STXBP6: variants seen among roughly 807,000 people sequenced by gnomAD.
STXBP6 encodes syntaxin binding protein 6.
In STXBP6, 21 loss-of-function variants were observed where a neutral mutation model predicts 26.9. That is an observed-to-expected ratio of 0.78 (90% CI 0.55 to 1.12). The LOEUF (loss-of-function observed/expected upper bound fraction) is 1.12, where lower values mean the gene tolerates loss of function less well. Among genes scored for constraint, STXBP6 ranks in the 50% most tolerant of loss-of-function variants. The probability of loss-of-function intolerance (pLI) is 0.00; values close to 1 mark genes in which losing one functional copy is unlikely to be tolerated. For synonymous variants in STXBP6, 97 were observed against 92.6 expected (o/e 1.05, Z -0.27); for missense variants, 232 against 257.9 (o/e 0.90, Z 0.69).
chr14:24,931,710 A>G (rs540930960), intron 2 of STXBP6, among the ~76,000 whole-genome samples: 1 of 152,156 alleles, frequency 6.6e-6, no homozygotes, highest in Non-Finnish European at 1.5e-5. Flanking sequence ...GATAAGGGCA[A>G]TGAAATCCAA....
At chr14:24,899,803 A>AG (rs1438038815) in intron 2 of STXBP6, among the ~76,000 whole-genome samples, 3 of 80,118 alleles carry the variant, frequency 3.7e-5, no homozygotes, top group Non-Finnish European at 4.4e-5. Flanking sequence ...AAAAAAAGCA[A>AG]AAAAAAAAAA....
intron 2 of STXBP6, among the ~76,000 whole-genome samples, chr14:24,943,931 T>C (rs984468167): frequency 6.6e-6 from 1 of 152,254 alleles, no homozygotes; most frequent in Admixed American, 6.5e-5. Context: ...TTGAAATTCA[T>C]TGTTGCTTTT....
intron 1 of STXBP6, among the ~76,000 whole-genome samples, chr14:25,030,289 C>T (rs1371992949): frequency 6.6e-6 from 1 of 152,086 alleles, no homozygotes; most frequent in Non-Finnish European, 1.5e-5. Context: ...TACCCCATGC[C>T]CAATATGAGG....
At chr14:25,014,949 T>C (rs1385684235) in intron 1 of STXBP6, among the ~76,000 whole-genome samples, 1 of 152,256 alleles carries the variant, frequency 6.6e-6, no homozygotes, top group Non-Finnish European at 1.5e-5. Flanking sequence ...TTATTTTAAA[T>C]GTTGGAGAAT....
At chr14:24,933,875 ACT>A (rs2072508148) in intron 2 of STXBP6, among the ~76,000 whole-genome samples, 1 of 152,226 alleles carries the variant, frequency 6.6e-6, no homozygotes. Flanking sequence ...AAGAAAACTT[ACT>A]TCTATGTAAA....
rs1452994852 is a variant in STXBP6, at chr14:24,892,536, C to T, written c.155-35379G>A. The stretch of plus-strand genomic sequence containing the variant: ...AGCAATTCTGATTCTGGGCCAACCA[C>T]ACCCCTTGGTTTGAGTCTTTTTCTT... On this transcript the variant is annotated intron_variant, in intron 2 of 5. Coordinates refer to ENST00000323944, the MANE Select transcript of STXBP6 (RefSeq NM_001394410.1). 6.6e-5 allele frequency among the ~76,000 whole-genome samples: 10 copies of T among 152,280 alleles called. No homozygotes were observed. The South Asian group carries it at 2.1e-3, about 32-fold the overall frequency.
chr14:25,034,273 C>T (rs1242599581), intron 1 of STXBP6, among the ~76,000 whole-genome samples: 1 of 152,130 alleles, frequency 6.6e-6, no homozygotes, highest in Non-Finnish European at 1.5e-5. Flanking sequence ...AACCATATCC[C>T]TCTGTGGAGG....
At chr14:24,916,463 C>T (rs142543910) in intron 2 of STXBP6, among the ~76,000 whole-genome samples, 106 of 152,224 alleles carry the variant, frequency 7.0e-4, no homozygotes, top group African/African-American at 2.4e-3. Flanking sequence ...AGTAATTAGC[C>T]ATAGCAAAAT....
chr14:25,027,234 T>G (rs1398893683), intron 1 of STXBP6, among the ~76,000 whole-genome samples: 1 of 152,202 alleles, frequency 6.6e-6, no homozygotes, highest in Non-Finnish European at 1.5e-5. Context: ...GGCAGCCCAG[T>G]GTGAAGCAAG....
At chr14:24,889,962 T>G (rs2070733503) in intron 2 of STXBP6, among the ~76,000 whole-genome samples, 1 of 152,240 alleles carries the variant, frequency 6.6e-6, no homozygotes, top group Non-Finnish European at 1.5e-5. Flanking sequence ...TCACCTCTTC[T>G]AACATCCAGA....
At chr14:24,900,837 T>C (rs1237203879) in intron 2 of STXBP6, among the ~76,000 whole-genome samples, 1 of 152,194 alleles carries the variant, frequency 6.6e-6, no homozygotes, top group African/African-American at 2.4e-5. Context: ...AGTGTCTGTC[T>C]TTTCTAAAGG....
At chr14:24,970,016 C>G (rs1330044415) in intron 2 of STXBP6, among the ~76,000 whole-genome samples, 1 of 152,022 alleles carries the variant, frequency 6.6e-6, no homozygotes, top group African/African-American at 2.4e-5. Flanking sequence ...CTGAGGTGGA[C>G]GGATGGCCTG....
chr14:24,936,870 CAA>C (rs2072619346), intron 2 of STXBP6, among the ~76,000 whole-genome samples: 1 of 152,166 alleles, frequency 6.6e-6, no homozygotes, highest in Admixed American at 6.5e-5. Flanking sequence ...TTCACAATAG[CAA>C]AGACTTGGAA....
intron 2 of STXBP6, among the ~76,000 whole-genome samples, chr14:24,953,066 C>T (rs1055418557): frequency 6.6e-6 from 1 of 152,188 alleles, no homozygotes; most frequent in Admixed American, 6.5e-5. Flanking sequence ...GAAGGCCACA[C>T]TCCATCTGGA....
intron 4 of STXBP6, among the ~76,000 whole-genome samples, chr14:24,824,737 G>C (rs2068234589): frequency 6.6e-6 from 1 of 152,198 alleles, no homozygotes; most frequent in Non-Finnish European, 1.5e-5. Flanking sequence ...AAACGGAAGA[G>C]TTGTTAACCC....
intron 4 of STXBP6, among the ~76,000 whole-genome samples, chr14:24,842,285 A>T (rs1644334101): frequency 6.6e-6 from 1 of 152,198 alleles, no homozygotes; most frequent in Non-Finnish European, 1.5e-5. Context: ...CTTGGTACCA[A>T]GCAGCAAATC....
At chr14:24,955,710 T>C (rs1834143644) in intron 2 of STXBP6, among the ~76,000 whole-genome samples, 1 of 152,078 alleles carries the variant, frequency 6.6e-6, no homozygotes, top group Admixed American at 6.5e-5. Flanking sequence ...AATCTGGCCC[T>C]GCTTCCCCCA....
At chr14:24,865,450 C>G (rs1321683076) in intron 2 of STXBP6, among the ~76,000 whole-genome samples, 1 of 152,134 alleles carries the variant, frequency 6.6e-6, no homozygotes, top group African/African-American at 2.4e-5. Context: ...ATTCTTAAGA[C>G]AGAGTACTAG....
At chr14:24,869,264 A>T (rs1376781786) in intron 2 of STXBP6, among the ~76,000 whole-genome samples, 5 of 152,170 alleles carry the variant, frequency 3.3e-5, no homozygotes, top group Admixed American at 3.3e-4. Context: ...TGGGGAAATA[A>T]AAAAAGAATA....
Sources: gnomAD v4.1 joint callset for allele counts (sites outside exome capture counted in the v4.1 genomes callset) on GRCh38, gnomAD v4.1.1 for gene constraint, MANE v1.5 for transcripts, NCBI Gene and HGNC (gene_info 2026-07-23, HGNC 2026-07-21) for gene names.